CSMD1: variants seen among roughly 807,000 people sequenced by gnomAD.
CSMD1 encodes CUB and Sushi multiple domains 1, also known as CUB and sushi domain-containing protein 1.
In CSMD1, 213 loss-of-function variants were observed where a neutral mutation model predicts 417.5. That is an observed-to-expected ratio of 0.51 (90% CI 0.46 to 0.57). The LOEUF is 0.57. Among genes scored for constraint, CSMD1 ranks in the 20% least tolerant of loss-of-function variants. CSMD1 has a pLI of 0.00. For synonymous variants in CSMD1, 2,862 were observed against 1,736.8 expected (o/e 1.65, Z -16.11); for missense variants, 6,923 against 4,529.7 (o/e 1.53, Z -15.17).
At chr8:4,724,520 ATGTGTG>A (rs66498850) in intron 1 of CSMD1, among the ~76,000 whole-genome samples, 5,692 of 145,174 alleles carry the variant, frequency 0.039, 129 homozygotes, top group African/African-American at 0.063. Flanking sequence ...TTATATATAT[ATGTGTG>A]TGTGTGTGTG....
At chr8:3,803,996 C>T (rs992983013) in intron 5 of CSMD1, among the ~76,000 whole-genome samples, 8 of 152,062 alleles carry the variant, frequency 5.3e-5, no homozygotes, top group Admixed American at 1.3e-4. Flanking sequence ...GGCGTGATCT[C>T]GGCTCACTGC....
rs551694393 is a variant in CSMD1, at chr8:3,174,476, G to C, written c.5725+6634C>G. On this transcript the variant is annotated intron_variant, in intron 37 of 69. Coordinates refer to ENST00000635120, the MANE Select transcript of CSMD1 (RefSeq NM_033225.6). ...TGCCACTGCACTCCAGCCTGGGCCA[G>C]AGTGAGATTCTGTCTCAAAAAACAA... Among the ~76,000 whole-genome samples, 6 of 152,266 alleles carry C rather than the reference G, an allele frequency of 3.9e-5. No individual in the cohort carries two copies. In the East Asian group the frequency reaches 9.7e-4, roughly 25 times the overall value.
intron 41 of CSMD1, among the ~76,000 whole-genome samples, chr8:3,140,255 G>A (rs1271768767): frequency 6.6e-6 from 1 of 152,118 alleles, no homozygotes; most frequent in Non-Finnish European, 1.5e-5. Context: ...AAAAGAGAGA[G>A]AGCAGAGAAT....
At chr8:4,446,755 C>CTGTGTGTG (rs58002310) in intron 2 of CSMD1, among the ~76,000 whole-genome samples, 79 of 133,020 alleles carry the variant, frequency 5.9e-4, no homozygotes, top group African/African-American at 8.0e-4. Flanking sequence ...GTGTGTGTGT[C>CTGTGTGTG]TGTGTGTGTG....
At chr8:4,354,066 C>A (rs1310497576) in intron 3 of CSMD1, among the ~76,000 whole-genome samples, 1 of 152,162 alleles carries the variant, frequency 6.6e-6, no homozygotes, top group African/African-American at 2.4e-5. Flanking sequence ...TATATCATTT[C>A]AGAAATCTGC....
At chr8:3,353,068 A>G (rs1276829454) in intron 21 of CSMD1, among the ~76,000 whole-genome samples, 1 of 152,196 alleles carries the variant, frequency 6.6e-6, no homozygotes, top group Non-Finnish European at 1.5e-5. Context: ...CAGAAGGTGC[A>G]ATAATTATAC....
intron 2 of CSMD1, among the ~76,000 whole-genome samples, chr8:4,499,296 GA>G (rs1212525029): frequency 1.3e-5 from 2 of 152,192 alleles, no homozygotes; most frequent in African/African-American, 4.8e-5. Context: ...AAGACGTCAT[GA>G]AAAACGCTTG....
At chr8:4,028,523 A>G (rs1022510263) in intron 4 of CSMD1, among the ~76,000 whole-genome samples, 3 of 152,178 alleles carry the variant, frequency 2.0e-5, no homozygotes, top group Admixed American at 2.0e-4. Flanking sequence ...AAAAATAGGC[A>G]AATATGCAAT....
At chr8:3,203,446 C>T (rs984429405) in intron 31 of CSMD1, among the ~76,000 whole-genome samples, 6 of 152,188 alleles carry the variant, frequency 3.9e-5, no homozygotes, top group African/African-American at 1.4e-4. Flanking sequence ...TATGGGGCTT[C>T]AGCCGCGGGA....
intron 18 of CSMD1, among the ~76,000 whole-genome samples, chr8:3,384,790 T>A (rs7841745): frequency 0.66 from 78,378 of 118,386 alleles, 26,606 homozygotes; most frequent in Middle Eastern, 0.75. Flanking sequence ...TAATATATAT[T>A]AATATATGCT....
At chr8:4,277,948 C>T (rs1270099750) in intron 3 of CSMD1, among the ~76,000 whole-genome samples, 2 of 152,088 alleles carry the variant, frequency 1.3e-5, no homozygotes, top group Admixed American at 6.6e-5. Context: ...CAGGATTTCA[C>T]CATGCTGGCC....
intron 3 of CSMD1, among the ~76,000 whole-genome samples, chr8:4,297,696 G>C (rs1035560752): frequency 5.3e-5 from 8 of 152,062 alleles, no homozygotes; most frequent in East Asian, 3.9e-4. Context: ...CATTAACCCG[G>C]AGCCATCGGT....
chr8:3,719,165 A>G (rs1331258240), intron 6 of CSMD1, among the ~76,000 whole-genome samples: 1 of 152,158 alleles, frequency 6.6e-6, no homozygotes, highest in African/African-American at 2.4e-5. Flanking sequence ...ACTTCGTTGC[A>G]TTAAAGTCTT....
intron 5 of CSMD1, among the ~76,000 whole-genome samples, chr8:3,977,450 T>C (rs914976698): frequency 6.6e-6 from 1 of 152,228 alleles, no homozygotes; most frequent in African/African-American, 2.4e-5. Context: ...CTGAGTTGTT[T>C]TGGATGGCAT....
intron 49 of CSMD1, among the ~76,000 whole-genome samples, chr8:3,055,703 T>C (rs1008176771): frequency 2.6e-5 from 4 of 152,210 alleles, no homozygotes; most frequent in Non-Finnish European, 5.9e-5. Flanking sequence ...AGTTGTTTTT[T>C]CTTTAGTTGT....
intron 3 of CSMD1, among the ~76,000 whole-genome samples, chr8:4,328,780 A>T (rs903004949): frequency 6.6e-6 from 1 of 152,212 alleles, no homozygotes; most frequent in Admixed American, 6.5e-5. Flanking sequence ...GCAATCTGAC[A>T]AAGTATTCTC....
intron 6 of CSMD1, among the ~76,000 whole-genome samples, chr8:3,744,264 G>A (rs377427481): frequency 3.9e-5 from 6 of 152,136 alleles, no homozygotes; most frequent in Admixed American, 2.0e-4. Context: ...TTTGGAATAC[G>A]GATCAAAAGA....
At position 4,499,235 on chromosome 8, in the gene CSMD1, A is replaced by G. The variant is rs192444555; in HGVS notation, c.303-79170T>C. Reference sequence around the variant, plus strand: ...TTCACAAACAAGGTGAGTCTTAAATAAATCTTGGGATTCTGGATAAGCACA... The same window carrying G: ...TTCACAAACAAGGTGAGTCTTAAATGAATCTTGGGATTCTGGATAAGCACA... On this transcript the variant is annotated intron_variant, in intron 2 of 69. Transcript: ENST00000635120. 2.2e-3 allele frequency among the ~76,000 whole-genome samples: 332 copies of G among 152,334 alleles called. 2 individuals are homozygous for G. The highest frequency in any genetic ancestry group is 7.5e-3 in the African/African-American group (310 of 41,572).
At chr8:4,020,364 G>A (rs934013151) in intron 4 of CSMD1, among the ~76,000 whole-genome samples, 4 of 152,190 alleles carry the variant, frequency 2.6e-5, no homozygotes, top group Admixed American at 1.3e-4. Context: ...ACTGCAAGAT[G>A]TTGTATTTCA....
Sources: allele counts gnomAD v4.1 joint callset (sites outside exome capture counted in the v4.1 genomes callset), GRCh38; gene constraint gnomAD v4.1.1; transcripts MANE v1.5; gene names NCBI Gene and HGNC (gene_info 2026-07-23, HGNC 2026-07-21).